Variants in TLK2 observed in about 807,000 individuals in gnomAD.
TLK2 encodes tousled like kinase 2.
A neutral mutation model predicts 117.3 loss-of-function variants in TLK2; 6 were observed. The ratio of observed to expected loss-of-function variants is 0.05; its 90% CI spans 0.03 to 0.10. The LOEUF (loss-of-function observed/expected upper bound fraction) is 0.10, where lower values mean the gene tolerates loss of function less well. Ranked by LOEUF, TLK2 falls within the 10% of genes least tolerant of loss-of-function variation. TLK2 has a pLI of 1.00. For synonymous variants in TLK2, 257 were observed against 316.7 expected, an observed-to-expected ratio of 0.81 and a Z score of 2.00; for missense variants, 299 against 901.2, an observed-to-expected ratio of 0.33 and a Z score of 8.56.
At chr17:62,600,457 C>A in intron 17 of TLK2, 194 bp from the exon 18 acceptor site, 1 of 513,156 alleles carries the variant, frequency 1.9e-6, no homozygotes, top group East Asian at 3.2e-5. Flanking sequence ...TGTGGAAACT[C>A]TTCAAGAGAA....
At chr17:62,591,358 A>G (rs1014839513) in intron 16 of TLK2, among the ~76,000 whole-genome samples, 1 of 129,032 alleles carries the variant, frequency 7.8e-6, no homozygotes, top group Non-Finnish European at 1.7e-5. Flanking sequence ...TATGTAATTT[A>G]AAAAAAAAAA....
chr17:62,600,907 C>G, intron 18 of TLK2, 87 bp downstream of exon 18: 3 of 1,335,164 alleles, frequency 2.2e-6, no homozygotes, highest in Non-Finnish European at 3.1e-6. Context: ...GAGAATTTCA[C>G]AGCAGCCAAG....
At chr17:62,549,415 A>T (rs1567897972) in intron 7 of TLK2, among the ~76,000 whole-genome samples, 1 of 30,906 alleles carries the variant, frequency 3.2e-5, no homozygotes, top group Non-Finnish European at 8.1e-5. Context: ...AAAAAAAAAA[A>T]AAAAAAAAAA....
At chr17:62,554,709 C>T (rs961965219) in intron 9 of TLK2, among the ~76,000 whole-genome samples, 5 of 152,008 alleles carry the variant, frequency 3.3e-5, no homozygotes, top group Admixed American at 2.6e-4. Context: ...AGCAAGACCC[C>T]ATTTCTATAA....
At chr17:62,596,910 A>G (rs1217011147) in intron 17 of TLK2, among the ~76,000 whole-genome samples, 3 of 152,252 alleles carry the variant, frequency 2.0e-5, no homozygotes, top group African/African-American at 7.2e-5. Context: ...GAAGAGAGAC[A>G]GGGCTAATTT....
Position 62,576,769 on chromosome 17 carries a change from T to A in TLK2, c.1182T>A (p.Leu394=), listed in dbSNP as rs1207016772. 1 of 1,610,104 alleles carries A rather than the reference T, an allele frequency of 6.2e-7. No homozygotes were observed. The highest frequency in any genetic ancestry group is 8.5e-7 in the Non-Finnish European group (1 of 1,176,724). ...TCTTCAAACTCAGATTAGGTCATCT[T>A]AAAAAGGTAAGTATAATGAGAAAAT... ...EEIFKLRLGH[L]KKEEAEIQAE... Residue 394 remains leucine (L), a synonymous_variant, in exon 13 of 22, where the codon CTT becomes CTA. Transcript: ENST00000346027.
At chr17:62,520,968 T>C in intron 3 of TLK2, 124 bp downstream of exon 3, 1 of 1,057,854 alleles carries the variant, frequency 9.5e-7, no homozygotes, top group Admixed American at 2.0e-5. Context: ...AGGCTGGGAG[T>C]TGGAGACCAG....
At chr17:62,509,469 A>G (rs1335299640) in intron 2 of TLK2, among the ~76,000 whole-genome samples, 5 of 152,256 alleles carry the variant, frequency 3.3e-5, no homozygotes, top group African/African-American at 1.2e-4. Flanking sequence ...AAAATGACAA[A>G]CATGAAAAAG....
chr17:62,488,042 C>T (rs1469507442), intron 2 of TLK2, among the ~76,000 whole-genome samples: 2 of 151,926 alleles, frequency 1.3e-5, no homozygotes, highest in African/African-American at 2.4e-5. Flanking sequence ...CGGGTTCAAG[C>T]GATTCTGCTG....
At chr17:62,588,851 A>G (rs1471194555) in intron 16 of TLK2, among the ~76,000 whole-genome samples, 1 of 152,222 alleles carries the variant, frequency 6.6e-6, no homozygotes, top group Non-Finnish European at 1.5e-5. Flanking sequence ...CATCAAGCAC[A>G]TAACGGACAT....
At chr17:62,506,694 T>A (rs1477266386) in intron 2 of TLK2, among the ~76,000 whole-genome samples, 3 of 152,176 alleles carry the variant, frequency 2.0e-5, no homozygotes, top group Non-Finnish European at 4.4e-5. Context: ...TTTTCTTTAC[T>A]GTGAATGTGC....
intron 18 of TLK2, among the ~76,000 whole-genome samples, chr17:62,601,834 G>C (rs752110072): frequency 1.3e-5 from 2 of 152,204 alleles, no homozygotes; most frequent in Non-Finnish European, 2.9e-5. Flanking sequence ...GGCACATTAA[G>C]CAGGTGATTC....
chr17:62,596,225 A>G (rs1357862896), intron 16 of TLK2, among the ~76,000 whole-genome samples: 1 of 152,080 alleles, frequency 6.6e-6, no homozygotes, highest in Non-Finnish European at 1.5e-5. Flanking sequence ...ACAGGTGCGC[A>G]CCACTACGCC....
chr17:62,525,978 A>G (rs1407556643), intron 6 of TLK2, among the ~76,000 whole-genome samples: 1 of 152,110 alleles, frequency 6.6e-6, no homozygotes, highest in Admixed American at 6.6e-5. Context: ...TTCTTCCTGA[A>G]ATGCCTTTTT....
intron 10 of TLK2, among the ~76,000 whole-genome samples, chr17:62,561,305 T>C (rs1458528961): frequency 6.6e-6 from 1 of 152,260 alleles, no homozygotes; most frequent in African/African-American, 2.4e-5. Flanking sequence ...GCATGTGTCT[T>C]TATAGCAGCA....
At chr17:62,534,554 G>A (rs991393793) in intron 6 of TLK2, among the ~76,000 whole-genome samples, 7 of 152,040 alleles carry the variant, frequency 4.6e-5, no homozygotes, top group African/African-American at 1.2e-4. Context: ...ATCAATTTTA[G>A]TGTATTTATT....
At chr17:62,493,075 C>T (rs1246138509) in intron 2 of TLK2, among the ~76,000 whole-genome samples, 1 of 151,976 alleles carries the variant, frequency 6.6e-6, no homozygotes. Flanking sequence ...CCAGTCTAGT[C>T]GACAAAGCAA....
Position 62,536,166 on chromosome 17 carries a change from C to A in TLK2, c.364-4C>A. Reference sequence around the variant, plus strand: ...CATTTGTGTGTTTCTTTACTGTTTTCCAGCGACGAGTAGAACAGCCCCTCT... The same window carrying A: ...CATTTGTGTGTTTCTTTACTGTTTTACAGCGACGAGTAGAACAGCCCCTCT... On this transcript the variant is annotated splice_polypyrimidine_tract_variant and splice_region_variant and intron_variant, in intron 6 of 21. Transcript: ENST00000346027. 6.2e-7 allele frequency: 1 copy of A among 1,609,256 alleles called. No individual in the cohort carries two copies. The highest frequency in any genetic ancestry group is 8.5e-7 in the Non-Finnish European group (1 of 1,178,274).
At chr17:62,519,688 A>T (rs997438897) in intron 2 of TLK2, among the ~76,000 whole-genome samples, 3 of 152,188 alleles carry the variant, frequency 2.0e-5, no homozygotes, top group African/African-American at 7.2e-5. Flanking sequence ...CTTCCTCTTG[A>T]TGCTACTGTG....
Sources: gnomAD v4.1 joint callset for allele counts (sites outside exome capture counted in the v4.1 genomes callset) on GRCh38, gnomAD v4.1.1 for gene constraint, MANE v1.5 for transcripts, NCBI Gene and HGNC (gene_info 2026-07-23, HGNC 2026-07-21) for gene names.